The following ARHGAP6 variants were observed in gnomAD, a reference collection of about 807,000 sequenced individuals.
ARHGAP6 encodes the protein Rho GTPase activating protein 6.
ARHGAP6 carries 16 observed loss-of-function variants against 55.7 expected under a neutral mutation model. The ratio of observed to expected loss-of-function variants is 0.29; its 90% CI spans 0.19 to 0.44. The LOEUF is 0.44. Among genes scored for constraint, ARHGAP6 ranks in the 20% least tolerant of loss-of-function variants. ARHGAP6 has a pLI of 1.00. For synonymous variants in ARHGAP6, 382 were observed against 360.9 expected, an observed-to-expected ratio of 1.06 and a Z score of -0.66; for missense variants, 698 against 808.9, an observed-to-expected ratio of 0.86 and a Z score of 1.66.
chrX:11,144,768 T>A (rs1281442516), intron 10 of ARHGAP6, among the ~76,000 whole-genome samples: 1 of 112,418 alleles, frequency 8.9e-6, no homozygotes, highest in Non-Finnish European at 1.9e-5. Flanking sequence ...TTAGTGTAAA[T>A]AAATCCATCC....
intron 1 of ARHGAP6, among the ~76,000 whole-genome samples, chrX:11,546,510 A>T (rs2051213001): frequency 8.9e-6 from 1 of 112,163 alleles, no homozygotes; most frequent in African/African-American, 3.2e-5. Context: ...AACTACTTTC[A>T]GCTAATTCTA....
At chrX:11,480,945 C>T (rs1005745211) in intron 1 of ARHGAP6, among the ~76,000 whole-genome samples, 15 of 111,929 alleles carry the variant, frequency 1.3e-4, no homozygotes, top group African/African-American at 4.5e-4. Context: ...CATTTATTTC[C>T]CTTATTTTTT....
intron 1 of ARHGAP6, among the ~76,000 whole-genome samples, chrX:11,527,631 A>G (rs1274742220): frequency 8.9e-6 from 1 of 112,267 alleles, no homozygotes; most frequent in Non-Finnish European, 1.9e-5. Flanking sequence ...AAAGAAAAGA[A>G]AAGAAAAAAG....
intron 1 of ARHGAP6, among the ~76,000 whole-genome samples, chrX:11,346,203 T>C (rs2048781912): frequency 9.0e-6 from 1 of 111,529 alleles, no homozygotes; most frequent in Admixed American, 9.5e-5. Flanking sequence ...AGAGTAGGAG[T>C]TGGCAAACTA....
Position 11,275,347 on chromosome X carries a change from C to T in ARHGAP6, c.589-20640G>A, listed in dbSNP as rs775101630. Among the ~76,000 whole-genome samples the T allele has an allele frequency of 9.8e-5, 11 of 111,844 alleles. No individual in the cohort carries two copies. In the East Asian group the frequency reaches 2.8e-3, roughly 29 times the overall value. On this transcript the variant is annotated intron_variant, in intron 1 of 12. Transcript: ENST00000337414. ...TAAGTAAACCAATTATTTGAAAATA[C>T]ACACAATAAAATTAGGGGCAATGAT...
chrX:11,241,896 C>CT (rs1320079642), intron 2 of ARHGAP6, among the ~76,000 whole-genome samples: 3 of 111,520 alleles, frequency 2.7e-5, no homozygotes, highest in African/African-American at 9.8e-5. Flanking sequence ...CTCCTTAGGG[C>CT]TGAGGCTCCC....
chrX:11,177,816 T>C (rs1294651416), intron 8 of ARHGAP6, among the ~76,000 whole-genome samples: 1 of 112,171 alleles, frequency 8.9e-6, no homozygotes, highest in Non-Finnish European at 1.9e-5. Context: ...CTGTTTTTCT[T>C]CTTTACAAAC....
intron 4 of ARHGAP6, among the ~76,000 whole-genome samples, chrX:11,187,259 C>A (rs1013719023): frequency 2.7e-5 from 3 of 111,098 alleles, no homozygotes; most frequent in Non-Finnish European, 5.7e-5. Context: ...AAGGTGTTGG[C>A]AGATGGAAGA....
chrX:11,200,607 A>G (rs546489736), intron 2 of ARHGAP6, among the ~76,000 whole-genome samples: 3 of 112,390 alleles, frequency 2.7e-5, no homozygotes, highest in African/African-American at 9.7e-5. Context: ...TAGGGATGGT[A>G]TTCCATTTTA....
intron 1 of ARHGAP6, among the ~76,000 whole-genome samples, chrX:11,490,713 T>C (rs57894533): frequency 0.11 from 12,085 of 111,775 alleles, 630 homozygotes; most frequent in East Asian, 0.18. Context: ...TATTCACAGT[T>C]TTTGGAAATC....
chrX:11,665,390 C>G lies in ARHGAP6; in HGVS notation c.-562G>C, dbSNP rs2052747236. ...TGAGCCGGGCGCCTGAGCTGCGCCT[C>G]CCTGCACTCTCTCCTTGCCCCGGCG... On this transcript the variant is annotated 5_prime_UTR_variant, in exon 1 of 13. Transcript: ENST00000337414. 1 of 113,692 alleles carries G rather than the reference C, an allele frequency of 8.8e-6. No individual in the cohort carries two copies. The allele number at this position is 113,692 out of a possible 1,213,427, so 9.4% of individuals were successfully genotyped here. A position where few individuals can be genotyped will look rare whatever the true frequency, so the allele number is the denominator to read the frequency against.
At chrX:11,385,227 C>T (rs921510519) in intron 1 of ARHGAP6, among the ~76,000 whole-genome samples, 4 of 111,376 alleles carry the variant, frequency 3.6e-5, no homozygotes, top group Non-Finnish European at 7.5e-5. Context: ...ATAACTGTAT[C>T]TATCATTTCT....
chrX:11,205,984 T>A (rs181837678), intron 2 of ARHGAP6, among the ~76,000 whole-genome samples: 16 of 112,033 alleles, frequency 1.4e-4, no homozygotes, highest in African/African-American at 5.2e-4. Context: ...AATGACTGAA[T>A]GAGTGAATGA....
chrX:11,470,413 C>A (rs1244965568), intron 1 of ARHGAP6, among the ~76,000 whole-genome samples: 1 of 112,088 alleles, frequency 8.9e-6, no homozygotes, highest in East Asian at 2.8e-4. Flanking sequence ...CCCAAGCATT[C>A]TTGGCTACTT....
chrX:11,469,281 T>C (rs911212007), intron 1 of ARHGAP6, among the ~76,000 whole-genome samples: 1 of 112,839 alleles, frequency 8.9e-6, no homozygotes, highest in Non-Finnish European at 1.9e-5. Flanking sequence ...AATGTGATGA[T>C]GTTATTAAAA....
chrX:11,309,556 A>T (rs2048273806), intron 1 of ARHGAP6, among the ~76,000 whole-genome samples: 1 of 111,396 alleles, frequency 9.0e-6, no homozygotes, highest in African/African-American at 3.3e-5. Context: ...CACTAGGAAG[A>T]AAAGTGTAAA....
chrX:11,568,019 C>A (rs1198271278), intron 1 of ARHGAP6, among the ~76,000 whole-genome samples: 2 of 111,628 alleles, frequency 1.8e-5, no homozygotes, highest in Non-Finnish European at 3.8e-5. Flanking sequence ...GCAATTCCCA[C>A]TGTTAGAAGA....
At chrX:11,352,062 C>T (rs759460017) in intron 1 of ARHGAP6, among the ~76,000 whole-genome samples, 2 of 112,513 alleles carry the variant, frequency 1.8e-5, no homozygotes, top group South Asian at 7.4e-4. Flanking sequence ...AAAACGACTA[C>T]AAAAATAAAT....
chrX:11,446,944 C>A (rs923112007), intron 1 of ARHGAP6, among the ~76,000 whole-genome samples: 1 of 111,841 alleles, frequency 8.9e-6, no homozygotes, highest in African/African-American at 3.2e-5. Context: ...TGAGGAGTCT[C>A]TAAATGCTAG....
Sources: allele counts gnomAD v4.1 joint callset (sites outside exome capture counted in the v4.1 genomes callset), GRCh38; gene constraint gnomAD v4.1.1; transcripts MANE v1.5; gene names NCBI Gene and HGNC (gene_info 2026-07-23, HGNC 2026-07-21).